The following DOCK6 variants were observed in gnomAD, a reference collection of about 807,000 sequenced individuals.
The protein encoded by DOCK6 is dedicator of cytokinesis protein 6.
A neutral mutation model predicts 230.3 loss-of-function variants in DOCK6; 167 were observed. The ratio of observed to expected loss-of-function variants is 0.73; its 90% CI spans 0.64 to 0.82. DOCK6 has a LOEUF of 0.82. Among genes scored for constraint, DOCK6 ranks in the 40% least tolerant of loss-of-function variants. DOCK6 has a pLI of 0.00. For missense variants in DOCK6, 2,598 were observed against 2,825.8 expected (o/e 0.92, Z 1.83); for synonymous variants, 1,148 against 1,185.0 (o/e 0.97, Z 0.64).
At chr19:11,240,277 G>T (rs34056604) in intron 14 of DOCK6, 2 of 1,582,508 alleles carry the variant, frequency 1.3e-6, no homozygotes, top group East Asian at 2.3e-5. Context: ...CCTGCCTACC[G>T]AGAATTTGAG....
Position 11,201,148 on chromosome 19 carries a change from G to A in DOCK6, c.5689-96C>T. ...AGCTCAGACCCCGCTGGGAGTGAGA[G>A]GGGTCCAAGAACCCAGGCAATGAAC... is the stretch of plus-strand genomic sequence containing the variant. On this transcript the variant is annotated intron_variant, in intron 44 of 47. Transcript: ENST00000294618. This position sits in a 1 kb window ranked among gnomAD's most constrained non-coding sequence, Gnocchi z 4.3. The A allele has an allele frequency of 6.8e-7, 1 of 1,473,728 alleles. No individual in the cohort carries two copies. The highest frequency in any genetic ancestry group is 9.2e-7 in the Non-Finnish European group (1 of 1,086,578). 91.3% of individuals were successfully genotyped at this position (1,473,728 alleles called of 1,614,324 possible). A position where few individuals can be genotyped will look rare whatever the true frequency, so the allele number is the denominator to read the frequency against.
intron 14 of DOCK6, chr19:11,241,634 G>A: frequency 6.4e-7 from 1 of 1,568,288 alleles, no homozygotes; most frequent in Non-Finnish European, 8.6e-7. Flanking sequence ...CCCCTCACCT[G>A]GGCTGAGCCA....
rs936790178 is a variant in DOCK6 at position 11,202,450 on chromosome 19, C to T, written c.5395G>A (p.Val1799Ile). Residue 1799 changes from valine to isoleucine, a missense_variant, in exon 43 of 48, where the codon GTT becomes ATT. Coordinates refer to ENST00000294618, the MANE Select transcript of DOCK6 (RefSeq NM_020812.4). This position sits in a 1 kb window ranked among gnomAD's most constrained non-coding sequence, Gnocchi z 5.3. ...GGGTTAGAGTCTTTGATAATCTCAA[C>T]GACGTCGTCGCCAAATCTCTCCGTG... ...FYTERFGDDV[V>I]EIIKDSNPVD... 1.1e-5 allele frequency: 17 copies of T among 1,613,574 alleles called. No homozygotes were observed. The highest frequency in any genetic ancestry group is 4.5e-5 in the East Asian group (2 of 44,866).
intron 21 of DOCK6, among the ~76,000 whole-genome samples, chr19:11,233,764 C>G (rs914236524): frequency 6.6e-6 from 1 of 151,976 alleles, no homozygotes; most frequent in Non-Finnish European, 1.5e-5. Context: ...TACTTGAGCC[C>G]AGGAGTTTAA....
At chr19:11,255,411 C>T (rs988206560) in intron 1 of DOCK6, among the ~76,000 whole-genome samples, 4 of 150,888 alleles carry the variant, frequency 2.7e-5, no homozygotes, top group African/African-American at 7.3e-5. Context: ...CTCAAGCGAT[C>T]CTCCTCCCAC....
intron 2 of DOCK6, 91 bp from the exon 3 acceptor site, chr19:11,253,049 T>A: frequency 2.3e-6 from 3 of 1,309,800 alleles, no homozygotes; most frequent in Non-Finnish European, 3.1e-6. Flanking sequence ...GGCTTCAAAC[T>A]CAAATAGGAG....
intron 21 of DOCK6, 110 bp from the exon 22 acceptor site, chr19:11,233,476 A>C (rs2079800910): frequency 7.4e-7 from 1 of 1,351,630 alleles, no homozygotes; most frequent in African/African-American, 1.5e-5. Context: ...CTGAGCCTCT[A>C]AGTTCCTCAT....
chr19:11,200,039 A>T lies in DOCK6; in HGVS notation c.6101+269T>A, dbSNP rs2147685158. On this transcript the variant is annotated intron_variant, in intron 47 of 47. Coordinates refer to ENST00000294618, the MANE Select transcript of DOCK6 (RefSeq NM_020812.4). The surrounding 1 kb of genome is among the most constrained non-coding windows in gnomAD (Gnocchi z 4.3). ...GTGGCAGATGCCTGTAATCCCAGTTACTCAGGAGGCTGAGGCAGGAGACTC... is the reference window on the plus strand; with the variant it reads ...GTGGCAGATGCCTGTAATCCCAGTTTCTCAGGAGGCTGAGGCAGGAGACTC... Among the ~76,000 whole-genome samples, 1 of 151,732 alleles carries T rather than the reference A, an allele frequency of 6.6e-6. No homozygotes were observed.
chr19:11,253,088 G>A, intron 2 of DOCK6, 130 bp from the exon 3 acceptor site: 2 of 906,158 alleles, frequency 2.2e-6, no homozygotes, highest in East Asian at 2.7e-5. Context: ...GGGTGTTGGA[G>A]TTACGGAGGA....
At chr19:11,221,580 G>C (rs1032539201) in intron 28 of DOCK6, 1 of 481,556 alleles carries the variant, frequency 2.1e-6, no homozygotes, top group Non-Finnish European at 3.7e-6. Context: ...CCCATCTATT[G>C]TAGGCTGACA....
chr19:11,212,177 G>C (rs760854453), intron 35 of DOCK6, 26 bp from the exon 36 acceptor site: 15 of 1,595,736 alleles, frequency 9.4e-6, no homozygotes, highest in African/African-American at 4.0e-5. Context: ...CGGGAGGGTG[G>C]AGCCGGGAGT....
At chr19:11,245,294 AG>A (rs2080014806) in intron 9 of DOCK6, among the ~76,000 whole-genome samples, 1 of 152,154 alleles carries the variant, frequency 6.6e-6, no homozygotes, top group Admixed American at 6.6e-5. Context: ...CCCACCTCCG[AG>A]GACCCCAGCC....
chr19:11,215,548 A>G, intron 31 of DOCK6, 77 bp from the exon 32 acceptor site: 1 of 1,450,960 alleles, frequency 6.9e-7, no homozygotes, highest in Non-Finnish European at 9.5e-7. Context: ...ATGCACAGGC[A>G]TGAAGATATT....
chr19:11,241,497 A>G (rs1455773641), intron 14 of DOCK6: 1 of 1,553,646 alleles, frequency 6.4e-7, no homozygotes, highest in Non-Finnish European at 8.7e-7. Context: ...GGCCACGTGC[A>G]GCGGCAGAGG....
Position 11,215,397 on chromosome 19 carries a change from G to A in DOCK6, c.4096C>T (p.Arg1366Cys), listed in dbSNP as rs200809206. Residue 1366 changes from arginine to cysteine, a missense_variant, in exon 32 of 48, where the codon CGC becomes TGC. By Grantham distance (180) the Arg-to-Cys change is radical. Coordinates refer to ENST00000294618, the MANE Select transcript of DOCK6 (RefSeq NM_020812.4). ...SVTHWKQTSD[R>C]VDKTKDEMEH... ...CCTGCCCACACCTACTTGTCCACGC[G>A]GTCTGAGGTTTGCTTCCAGTGTGTG... is the stretch of plus-strand genomic sequence containing the variant. The A allele has an allele frequency of 4.0e-5, 64 of 1,613,542 alleles. No individual in the cohort carries two copies. Among genetic ancestry groups the A allele is most frequent in the Admixed American group, 1.0e-4 (6 of 60,000 alleles).
Position 11,262,383 on chromosome 19 carries a change from CG to C in DOCK6, c.44+13del. 2 of 1,278,064 alleles carry C rather than the reference CG, an allele frequency of 1.6e-6. No individual in the cohort carries two copies. Among genetic ancestry groups the C allele is most frequent in the Admixed American group, 3.4e-5 (1 of 29,658 alleles). The allele number at this position is 1,278,064 out of a possible 1,614,324, so 79.2% of individuals were successfully genotyped here. A position where few individuals can be genotyped will look rare whatever the true frequency, so the allele number is the denominator to read the frequency against. ...ACGTGGGGGAGGTGGGAGGGGGCCC[CG>C]CGGCCACACTACCTGTTGATCTTGT... is the stretch of plus-strand genomic sequence containing the variant. On this transcript the variant is annotated intron_variant, in intron 1 of 47. Coordinates refer to ENST00000294618, the MANE Select transcript of DOCK6 (RefSeq NM_020812.4).
Position 11,243,077 on chromosome 19 carries a change from G to A in DOCK6, c.1462C>T (p.Arg488Ter), listed in dbSNP as rs369389970. The part of the protein sequence containing the change: ...DMRRPSSLLR[R>*]LRPVTAQLKI... The stretch of plus-strand genomic sequence containing the variant: ...CACGCACCAGTCACAGGACGTAGTC[G>A]CCGCAGCAGGGACGACGGGCGCCTC... Residue 488 changes from arginine to a stop codon, truncating the protein, a stop_gained, in exon 13 of 48, where the codon CGA becomes TGA. Coordinates refer to ENST00000294618, the MANE Select transcript of DOCK6 (RefSeq NM_020812.4). LOFTEE classifies it high-confidence loss of function. The surrounding 1 kb of genome is among the most constrained non-coding windows in gnomAD (Gnocchi z 6.3). 1.7e-5 allele frequency: 28 copies of A among 1,613,804 alleles called. No homozygotes were observed. Among genetic ancestry groups the A allele is most frequent in the Non-Finnish European group, 2.1e-5 (25 of 1,179,898 alleles).
intron 28 of DOCK6, among the ~76,000 whole-genome samples, chr19:11,217,907 A>C (rs1338612086): frequency 2.0e-5 from 3 of 151,972 alleles, no homozygotes; most frequent in Non-Finnish European, 4.4e-5. Context: ...GCTGGAGTAC[A>C]GTGGCCTGAT....
In DOCK6 at chr19:11,236,028, G is replaced by A; in HGVS notation, c.2393-269C>T. 4.0e-6 allele frequency: 2 copies of A among 496,380 alleles called. No individual in the cohort carries two copies. Among genetic ancestry groups the A allele is most frequent in the Non-Finnish European group, 3.5e-6 (1 of 284,188 alleles). The allele number at this position is 496,380 out of a possible 1,614,324, so 30.7% of individuals were successfully genotyped here. A position where few individuals can be genotyped will look rare whatever the true frequency, so the allele number is the denominator to read the frequency against. Reference sequence around the variant, plus strand: ...CCCGAGTAGCTGGGATTACAGGCATGCGCCACCACGCCCAGCTAATTTTGT... The same window carrying A: ...CCCGAGTAGCTGGGATTACAGGCATACGCCACCACGCCCAGCTAATTTTGT... On this transcript the variant is annotated intron_variant, in intron 20 of 47. Transcript: ENST00000294618. The surrounding 1 kb of genome is among the most constrained non-coding windows in gnomAD (Gnocchi z 5.2).
Sources: gnomAD v4.1 joint callset for allele counts (sites outside exome capture counted in the v4.1 genomes callset) on GRCh38, gnomAD v4.1.1 for gene constraint, Gnocchi (gnomAD v3.1) non-coding constraint, MANE v1.5 for transcripts, NCBI Gene and HGNC (gene_info 2026-07-23, HGNC 2026-07-21) for gene names.